The following SLC7A11 variants were observed in gnomAD, a reference collection of about 807,000 sequenced individuals.
SLC7A11 encodes solute carrier family 7 member 11, also known as cystine/glutamate transporter.
SLC7A11 carries 35 observed loss-of-function variants against 54.5 expected under a neutral mutation model. The ratio of observed to expected loss-of-function variants is 0.64; its 90% CI spans 0.49 to 0.85. SLC7A11 has a LOEUF of 0.85. Among genes scored for constraint, SLC7A11 ranks in the 40% least tolerant of loss-of-function variants. The pLI, the probability that SLC7A11 is intolerant of heterozygous loss-of-function variation, is 0.00. For missense variants in SLC7A11, 583 were observed against 618.1 expected, an observed-to-expected ratio of 0.94 and a Z score of 0.60; for synonymous variants, 230 against 225.2, an observed-to-expected ratio of 1.02 and a Z score of -0.19.
rs147413444 is a variant in SLC7A11, at chr4:138,242,188, G to A, written c.-119C>T. On this transcript the variant is annotated 5_prime_UTR_variant, in exon 1 of 12. Coordinates refer to ENST00000280612, the MANE Select transcript of SLC7A11 (RefSeq NM_014331.4). ...CTGCTTTCAGACTGTCTCTCTCAGCGCTATAGTGTTCACAGGTGAAAACTC... is the reference window on the plus strand; with the variant it reads ...CTGCTTTCAGACTGTCTCTCTCAGCACTATAGTGTTCACAGGTGAAAACTC... 451 of 1,194,396 alleles carry A rather than the reference G, an allele frequency of 3.8e-4. 3 individuals carry two copies. The African/African-American group carries it at 6.2e-3, about 16-fold the overall frequency. The allele number at this position is 1,194,396 out of a possible 1,614,324, so 74.0% of individuals were successfully genotyped here.
chr4:138,237,358 A>G (rs535517291), intron 1 of SLC7A11, among the ~76,000 whole-genome samples: 1 of 150,668 alleles, frequency 6.6e-6, no homozygotes, highest in Non-Finnish European at 1.5e-5. Context: ...ATAAAAGGCT[A>G]TCTTGGATGT....
intron 1 of SLC7A11, among the ~76,000 whole-genome samples, chr4:138,237,001 T>TG (rs1738226626): frequency 6.7e-6 from 1 of 149,090 alleles, no homozygotes; most frequent in Non-Finnish European, 1.5e-5. Flanking sequence ...TTTTTTTTTT[T>TG]TTGAGACGGA....
chr4:138,174,920 C>T (rs1395812566), intron 11 of SLC7A11: 2 of 152,072 alleles, frequency 1.3e-5, no homozygotes, highest in African/African-American at 2.4e-5. Context: ...TACCTGGTAC[C>T]AATATGGGAA....
At chr4:138,197,710 G>A (rs1241134431) in intron 6 of SLC7A11, among the ~76,000 whole-genome samples, 5 of 151,728 alleles carry the variant, frequency 3.3e-5, no homozygotes, top group Non-Finnish European at 5.9e-5. Context: ...GCAAATACAA[G>A]TTATACTCAA....
At chr4:138,184,718 TG>T (rs1364060547) in intron 7 of SLC7A11, among the ~76,000 whole-genome samples, 1 of 152,034 alleles carries the variant, frequency 6.6e-6, no homozygotes, top group Non-Finnish European at 1.5e-5. Context: ...AAGTGACACT[TG>T]GGGAAAGGAT....
intron 3 of SLC7A11, among the ~76,000 whole-genome samples, chr4:138,224,379 T>A (rs1737888863): frequency 6.6e-6 from 1 of 152,194 alleles, no homozygotes; most frequent in African/African-American, 2.4e-5. Context: ...CCTTTATATT[T>A]ATAAAGGTAT....
At chr4:138,217,832 A>G (rs1402574121) in intron 5 of SLC7A11, among the ~76,000 whole-genome samples, 1 of 152,248 alleles carries the variant, frequency 6.6e-6, no homozygotes, top group Non-Finnish European at 1.5e-5. Context: ...CTGAATAGCC[A>G]TAGAACAGTT....
rs1316480017 is a variant in SLC7A11 at position 138,214,637 on chromosome 4, T to C, written c.747-8A>G. ...ACAAAGTTGAGGTAAAACCTAAAAA[T>C]AGATAAATAAATTATAAACTATTAA... On this transcript the variant is annotated splice_polypyrimidine_tract_variant and splice_region_variant and intron_variant, in intron 5 of 11. Coordinates refer to ENST00000280612, the MANE Select transcript of SLC7A11 (RefSeq NM_014331.4). 4.3e-6 allele frequency: 5 copies of C among 1,172,356 alleles called. No homozygotes were observed. Among genetic ancestry groups the C allele is most frequent in the African/African-American group, 1.6e-5 (1 of 62,478 alleles). 72.6% of individuals were successfully genotyped at this position (1,172,356 alleles called of 1,614,324 possible). A position where few individuals can be genotyped will look rare whatever the true frequency, so the allele number is the denominator to read the frequency against.
intron 5 of SLC7A11, among the ~76,000 whole-genome samples, chr4:138,216,235 T>C (rs940318463): frequency 2.0e-5 from 3 of 152,180 alleles, no homozygotes; most frequent in Admixed American, 2.0e-4. Context: ...ATGTGAATTA[T>C]TTTTAAAAGA....
intron 6 of SLC7A11, among the ~76,000 whole-genome samples, chr4:138,188,296 C>G (rs1736925013): frequency 6.6e-6 from 1 of 152,122 alleles, no homozygotes; most frequent in Admixed American, 6.5e-5. Context: ...CTCCTGACCT[C>G]TAGTGATCCT....
chr4:138,206,475 TA>T (rs1737409060), intron 6 of SLC7A11, among the ~76,000 whole-genome samples: 1 of 151,164 alleles, frequency 6.6e-6, no homozygotes, highest in African/African-American at 2.4e-5. Flanking sequence ...TTCAAACAAC[TA>T]TTATGAAAGA....
intron 3 of SLC7A11, among the ~76,000 whole-genome samples, chr4:138,228,689 G>A (rs958693731): frequency 7.1e-6 from 1 of 141,432 alleles, no homozygotes; most frequent in Non-Finnish European, 1.5e-5. Context: ...AAACCAGGAG[G>A]CAGACCTTGC....
chr4:138,220,095 A>T (rs5010683), intron 4 of SLC7A11, among the ~76,000 whole-genome samples: 50,864 of 151,816 alleles, frequency 0.34, 9,236 homozygotes, highest in East Asian at 0.47. Flanking sequence ...GCGCGCCATC[A>T]TGCCCAACTA....
intron 3 of SLC7A11, among the ~76,000 whole-genome samples, chr4:138,230,709 T>C (rs1209314798): frequency 6.6e-6 from 1 of 152,176 alleles, no homozygotes; most frequent in East Asian, 1.9e-4. Flanking sequence ...GAACATAATA[T>C]GAAGCAAACT....
Position 138,170,176 on chromosome 4 carries a change from CATT to C in SLC7A11, c.*1777_*1779del, listed in dbSNP as rs1159981052. On this transcript the variant is annotated 3_prime_UTR_variant, in exon 12 of 12. Transcript: ENST00000280612. ...TATAAATAACAGTTCAAAATTTCAT[CATT>C]ATATTACTCTCATTTGTAAGTTCCA... The C allele has an allele frequency of 2.3e-5, 3 of 130,986 alleles. No homozygotes were observed. Among genetic ancestry groups the C allele is most frequent in the Non-Finnish European group, 4.8e-5 (3 of 63,060 alleles). 8.1% of individuals were successfully genotyped at this position (130,986 alleles called of 1,614,324 possible).
intron 6 of SLC7A11, among the ~76,000 whole-genome samples, chr4:138,192,805 A>C (rs1431930922): frequency 6.6e-6 from 1 of 152,126 alleles, no homozygotes; most frequent in Non-Finnish European, 1.5e-5. Flanking sequence ...GATAGACCCC[A>C]TTGTTTGCTA....
Position 138,179,152 on chromosome 4 carries a change from T to G in SLC7A11, c.1444+65A>C, listed in dbSNP as rs540509976. On this transcript the variant is annotated intron_variant, in intron 11 of 11. Transcript: ENST00000280612. ...TTTTAAATGTTAAGTATATTATGTA[T>G]GCACACCTTTATGGGTTTTCTACAT... 385 of 1,090,060 alleles carry G rather than the reference T, an allele frequency of 3.5e-4. 1 individual carries two copies. The highest frequency in any genetic ancestry group is 2.2e-4 in the Non-Finnish European group (160 of 723,836). The allele number at this position is 1,090,060 out of a possible 1,614,324, so 67.5% of individuals were successfully genotyped here.
chr4:138,166,101 G>A lies in SLC7A11; in HGVS notation c.*5855C>T, dbSNP rs1170859457. 1.3e-5 allele frequency: 2 copies of A among 152,136 alleles called. No homozygotes were observed. The highest frequency in any genetic ancestry group is 2.9e-5 in the Non-Finnish European group (2 of 68,008). The allele number at this position is 152,136 out of a possible 1,614,324, so 9.4% of individuals were successfully genotyped here. ...AAGTATGTTTGTACTTTGGAATGAA[G>A]GAGAAATTCTAGGGAAAAATTAATT... On this transcript the variant is annotated 3_prime_UTR_variant, in exon 12 of 12. Coordinates refer to ENST00000280612, the MANE Select transcript of SLC7A11 (RefSeq NM_014331.4).
chr4:138,178,496 C>G (rs1338347735), intron 11 of SLC7A11, among the ~76,000 whole-genome samples: 1 of 151,856 alleles, frequency 6.6e-6, no homozygotes, highest in Non-Finnish European at 1.5e-5. Context: ...GGGTATATAC[C>G]CAGTAATGGG....
Sources: gnomAD v4.1 joint callset for allele counts (sites outside exome capture counted in the v4.1 genomes callset) on GRCh38, gnomAD v4.1.1 for gene constraint, MANE v1.5 for transcripts, NCBI Gene and HGNC (gene_info 2026-07-23, HGNC 2026-07-21) for gene names.